CSMD1: variants seen among roughly 807,000 people sequenced by gnomAD.
The protein encoded by CSMD1 is CUB and Sushi multiple domains 1, also known as CUB and sushi domain-containing protein 1.
CSMD1 carries 213 observed loss-of-function variants against 417.5 expected under a neutral mutation model. The observed-to-expected ratio is 0.51, with a 90% CI of 0.46 to 0.57. The LOEUF (loss-of-function observed/expected upper bound fraction) is 0.57, where lower values mean the gene tolerates loss of function less well. Ranked by LOEUF, CSMD1 falls within the 20% of genes least tolerant of loss-of-function variation. The pLI is 0.00. For missense variants in CSMD1, 6,923 were observed against 4,529.7 expected, an observed-to-expected ratio of 1.53 and a Z score of -15.17; for synonymous variants, 2,862 against 1,736.8, an observed-to-expected ratio of 1.65 and a Z score of -16.11.
chr8:3,759,426 C>T (rs1019833124), intron 5 of CSMD1, among the ~76,000 whole-genome samples: 4 of 152,078 alleles, frequency 2.6e-5, no homozygotes, highest in African/African-American at 4.8e-5. Flanking sequence ...GAAGATCTAC[C>T]GCTGTTGGAG....
chr8:4,194,419 T>C (rs919661348), intron 3 of CSMD1, among the ~76,000 whole-genome samples: 10 of 152,186 alleles, frequency 6.6e-5, no homozygotes, highest in African/African-American at 2.4e-4. Flanking sequence ...AAATAGCTTG[T>C]AAAATATCTA....
chr8:4,161,933 A>T (rs1043554449), intron 3 of CSMD1, among the ~76,000 whole-genome samples: 1 of 152,210 alleles, frequency 6.6e-6, no homozygotes, highest in African/African-American at 2.4e-5. Flanking sequence ...TCGTTTAAAT[A>T]TTCAGTAAGT....
intron 3 of CSMD1, among the ~76,000 whole-genome samples, chr8:4,323,409 C>T (rs1362256037): frequency 2.0e-5 from 3 of 152,100 alleles, no homozygotes; most frequent in Non-Finnish European, 2.9e-5. Flanking sequence ...AGCCTTGTTC[C>T]ATGTCTTCTT....
intron 1 of CSMD1, among the ~76,000 whole-genome samples, chr8:4,673,913 G>T (rs569910162): frequency 6.6e-6 from 1 of 152,122 alleles, no homozygotes; most frequent in Non-Finnish European, 1.5e-5. Context: ...CAGGGTTTGG[G>T]AGGATAGATA....
intron 1 of CSMD1, among the ~76,000 whole-genome samples, chr8:4,678,838 T>C (rs551738066): frequency 4.1e-4 from 63 of 152,326 alleles, no homozygotes; most frequent in African/African-American, 1.2e-3. Context: ...GCTATCAATG[T>C]TTCCTCAGTC....
At chr8:3,789,502 A>G (rs1251711758) in intron 5 of CSMD1, among the ~76,000 whole-genome samples, 3 of 150,176 alleles carry the variant, frequency 2.0e-5, no homozygotes, top group Non-Finnish European at 4.4e-5. Context: ...ACAGATTATG[A>G]AATGCTACCA....
At chr8:4,243,364 G>A (rs1435130153) in intron 3 of CSMD1, among the ~76,000 whole-genome samples, 1 of 151,944 alleles carries the variant, frequency 6.6e-6, no homozygotes, top group Non-Finnish European at 1.5e-5. Context: ...ATGCCGAGAG[G>A]GGCCCAAAAA....
intron 2 of CSMD1, among the ~76,000 whole-genome samples, chr8:4,617,462 G>A (rs1018258938): frequency 6.6e-6 from 1 of 152,092 alleles, no homozygotes; most frequent in Non-Finnish European, 1.5e-5. Flanking sequence ...CAAATGCCTT[G>A]CCAGAAACAG....
intron 3 of CSMD1, among the ~76,000 whole-genome samples, chr8:4,064,844 T>G (rs1799162357): frequency 6.6e-6 from 1 of 152,138 alleles, no homozygotes. Flanking sequence ...AATAATGTGA[T>G]GTAAGTGTAC....
chr8:4,673,960 C>A (rs1372932188), intron 1 of CSMD1, among the ~76,000 whole-genome samples: 1 of 152,090 alleles, frequency 6.6e-6, no homozygotes, highest in Non-Finnish European at 1.5e-5. Context: ...TGATTGCACA[C>A]CTCTGTGAAT....
intron 3 of CSMD1, among the ~76,000 whole-genome samples, chr8:4,111,153 T>G (rs948347947): frequency 1.3e-5 from 2 of 152,138 alleles, no homozygotes; most frequent in African/African-American, 2.4e-5. Flanking sequence ...CTCTAATGAT[T>G]TCGGACAGAA....
intron 3 of CSMD1, among the ~76,000 whole-genome samples, chr8:4,039,441 TC>T (rs1204984325): frequency 1.3e-5 from 2 of 152,206 alleles, no homozygotes; most frequent in Non-Finnish European, 2.9e-5. Context: ...AAATCGGATT[TC>T]CTAGTCTTGA....
chr8:3,816,501 C>G (rs1465413312), intron 5 of CSMD1, among the ~76,000 whole-genome samples: 4 of 152,116 alleles, frequency 2.6e-5, no homozygotes, highest in African/African-American at 9.7e-5. Flanking sequence ...ATAAATTAAA[C>G]TTCCTCATAG....
chr8:4,537,267 T>A (rs888231392), intron 2 of CSMD1, among the ~76,000 whole-genome samples: 1 of 152,174 alleles, frequency 6.6e-6, no homozygotes, highest in Non-Finnish European at 1.5e-5. Flanking sequence ...TTTTTAGAAA[T>A]AAATTATCCA....
intron 3 of CSMD1, among the ~76,000 whole-genome samples, chr8:4,275,457 A>T (rs1190005045): frequency 6.6e-6 from 1 of 152,158 alleles, no homozygotes; most frequent in Non-Finnish European, 1.5e-5. Flanking sequence ...TTTATTTAAA[A>T]TTTTACGTGT....
intron 12 of CSMD1, among the ~76,000 whole-genome samples, chr8:3,420,047 A>C (rs1813390417): frequency 6.6e-6 from 1 of 152,176 alleles, no homozygotes; most frequent in African/African-American, 2.4e-5. Flanking sequence ...AATAGAGCCC[A>C]GGGTATATTA....
chr8:4,312,624 C>A (rs561896291), intron 3 of CSMD1, among the ~76,000 whole-genome samples: 11 of 144,436 alleles, frequency 7.6e-5, no homozygotes, highest in African/African-American at 3.2e-4. Flanking sequence ...CGCCTGTAAT[C>A]CCAACACTTT....
chr8:3,964,945 T>A (rs956105106), intron 5 of CSMD1, among the ~76,000 whole-genome samples: 2 of 152,186 alleles, frequency 1.3e-5, no homozygotes, highest in African/African-American at 4.8e-5. Context: ...TTTGGGGGTT[T>A]ATCCTCGTCA....
intron 2 of CSMD1, among the ~76,000 whole-genome samples, chr8:4,483,075 G>T (rs1161449439): frequency 6.6e-6 from 1 of 152,282 alleles, no homozygotes; most frequent in African/African-American, 2.4e-5. Context: ...CCCATGTGTT[G>T]TGGGAGATAA....
Sources: gnomAD v4.1 joint callset for allele counts (sites outside exome capture counted in the v4.1 genomes callset) on GRCh38, gnomAD v4.1.1 for gene constraint, MANE v1.5 for transcripts, NCBI Gene and HGNC (gene_info 2026-07-23, HGNC 2026-07-21) for gene names.